The following SLC6A3 variants were observed in gnomAD, a reference collection of about 807,000 sequenced individuals.
The protein encoded by SLC6A3 is solute carrier family 6 member 3, also known as sodium-dependent dopamine transporter.
In SLC6A3, 19 loss-of-function variants were observed where a neutral mutation model predicts 70.4. The observed-to-expected ratio is 0.27, with a 90% CI of 0.19 to 0.40. The LOEUF is 0.40. Among genes scored for constraint, SLC6A3 ranks in the 10% least tolerant of loss-of-function variants. The pLI, the probability that SLC6A3 is intolerant of heterozygous loss-of-function variation, is 1.00. For missense variants in SLC6A3, 613 were observed against 838.5 expected (o/e 0.73, Z 3.32); for synonymous variants, 368 against 356.6 (o/e 1.03, Z -0.36).
At chr5:1,414,609 CT>C in intron 8 of SLC6A3, 81 bp downstream of exon 8, 1 of 1,527,808 alleles carries the variant, frequency 6.5e-7, no homozygotes, top group Non-Finnish European at 8.9e-7. Flanking sequence ...TCTCCTTCCT[CT>C]TTCACAAGGA....
rs902614517 is a variant in SLC6A3, at chr5:1,404,006, A to G, written c.1600-917T>C. On this transcript the variant is annotated intron_variant, in intron 12 of 14. Coordinates refer to ENST00000270349, the MANE Select transcript of SLC6A3 (RefSeq NM_001044.5). The surrounding 1 kb of genome is among the most constrained non-coding windows in gnomAD (Gnocchi z 5.2). ...TGTTCTGTGTACCTGGGTCCTTCCC[A>G]AGGACACAAGTGAAGCTCTGATAGA... is the stretch of plus-strand genomic sequence containing the variant. Among the ~76,000 whole-genome samples, 1 of 152,252 alleles carries G rather than the reference A, an allele frequency of 6.6e-6. No individual in the cohort carries two copies. The highest frequency in any genetic ancestry group is 1.5e-5 in the Non-Finnish European group (1 of 68,040).
Position 1,404,657 on chromosome 5 carries a change from C to T in SLC6A3, c.1599+1531G>A, listed in dbSNP as rs999188582. Among the ~76,000 whole-genome samples the T allele has an allele frequency of 1.3e-5, 2 of 152,194 alleles. No individual in the cohort carries two copies. The highest frequency in any genetic ancestry group is 4.8e-5 in the African/African-American group (2 of 41,444). The stretch of plus-strand genomic sequence containing the variant: ...CAGAGGGCAGGGGACTATGCCGCAG[C>T]CTGAAGAAACAGATGATAACACAGA... On this transcript the variant is annotated intron_variant, in intron 12 of 14. Coordinates refer to ENST00000270349, the MANE Select transcript of SLC6A3 (RefSeq NM_001044.5). This position sits in a 1 kb window ranked among gnomAD's most constrained non-coding sequence, Gnocchi z 5.2.
chr5:1,406,060 G>T lies in SLC6A3; in HGVS notation c.1599+128C>A. 1 of 740,080 alleles carries T rather than the reference G, an allele frequency of 1.4e-6. No homozygotes were observed. Among genetic ancestry groups the T allele is most frequent in the Non-Finnish European group, 2.5e-6 (1 of 404,706 alleles). 45.8% of individuals were successfully genotyped at this position (740,080 alleles called of 1,614,324 possible). On this transcript the variant is annotated intron_variant, in intron 12 of 14. Transcript: ENST00000270349. The surrounding 1 kb of genome is among the most constrained non-coding windows in gnomAD (Gnocchi z 8.8). ...TTCAGGGATCAGCCTGTCCTTCTGG[G>T]CCGAGTCTTGAGGCCCCTGACTCCA...
chr5:1,445,188 G>C (rs1733771730), intron 1 of SLC6A3, among the ~76,000 whole-genome samples, 160 bp downstream of exon 1: 1 of 152,158 alleles, frequency 6.6e-6, no homozygotes, highest in Non-Finnish European at 1.5e-5. Flanking sequence ...ATCGGGGGGC[G>C]CTCGGCACCC....
intron 6 of SLC6A3, chr5:1,416,521 T>A: frequency 2.1e-6 from 1 of 480,442 alleles, no homozygotes; most frequent in Non-Finnish European, 3.8e-6. Flanking sequence ...CATGGACTCA[T>A]CCACACACGG....
Position 1,401,116 on chromosome 5 carries a change from C to T in SLC6A3, c.1768-130G>A, listed in dbSNP as rs1353974849. The T allele has an allele frequency of 1.4e-6, 1 of 738,196 alleles. No homozygotes were observed. Among genetic ancestry groups the T allele is most frequent in the Non-Finnish European group, 2.4e-6 (1 of 413,084 alleles). The allele number at this position is 738,196 out of a possible 1,614,324, so 45.7% of individuals were successfully genotyped here. ...ACCAGCCCTCCTCACCTGCCAATGCCCACCCGCTGGCATCCATATCACCAG... is the reference window on the plus strand; with the variant it reads ...ACCAGCCCTCCTCACCTGCCAATGCTCACCCGCTGGCATCCATATCACCAG... On this transcript the variant is annotated intron_variant, in intron 13 of 14. Transcript: ENST00000270349. The surrounding 1 kb of genome is among the most constrained non-coding windows in gnomAD (Gnocchi z 6.1).
Position 1,406,300 on chromosome 5 carries a change from G to A in SLC6A3, c.1499-12C>T. The stretch of plus-strand genomic sequence containing the variant: ...GAACTGCCCAACACCTGAGGGAGAA[G>A]AGGTGGCATCAGTGTCCATCAGGGC... On this transcript the variant is annotated splice_polypyrimidine_tract_variant and intron_variant, in intron 11 of 14. Transcript: ENST00000270349. This position sits in a 1 kb window ranked among gnomAD's most constrained non-coding sequence, Gnocchi z 8.8. 6.2e-7 allele frequency: 1 copy of A among 1,608,780 alleles called. No homozygotes were observed. Among genetic ancestry groups the A allele is most frequent in the African/African-American group, 1.3e-5 (1 of 74,930 alleles).
Position 1,409,037 on chromosome 5 carries a change from G to C in SLC6A3, c.1487C>G (p.Ala496Gly). The change falls in exon 11 of 15, where the codon GCC becomes GGC. Residue 496 changes from alanine to glycine, a missense_variant. Transcript: ENST00000270349. ...FGVLIEAIGV[A>G]WFYGVGQFSD... ...TCCCCCGGACTCACCATAGAACCAGGCCACTCCGATGGCTTCGATGAGCAC... is the reference window on the plus strand; with the variant it reads ...TCCCCCGGACTCACCATAGAACCAGCCCACTCCGATGGCTTCGATGAGCAC... 2 of 1,611,754 alleles carry C rather than the reference G, an allele frequency of 1.2e-6. No individual in the cohort carries two copies. The highest frequency in any genetic ancestry group is 1.7e-6 in the Non-Finnish European group (2 of 1,178,922).
Position 1,442,138 on chromosome 5 carries a change from A to G in SLC6A3, c.287-648T>C, listed in dbSNP as rs970721296. 1.3e-5 allele frequency among the ~76,000 whole-genome samples: 2 copies of G among 151,194 alleles called. No individual in the cohort carries two copies. The highest frequency in any genetic ancestry group is 4.9e-5 in the African/African-American group (2 of 41,060). Reference sequence around the variant, plus strand: ...GACTGGAGTGAGGGAGAGCTTTGCCACTCTCTCTCCTGGGGAAGGGGAGGG... The same window carrying G: ...GACTGGAGTGAGGGAGAGCTTTGCCGCTCTCTCTCCTGGGGAAGGGGAGGG... On this transcript the variant is annotated intron_variant, in intron 2 of 14. Coordinates refer to ENST00000270349, the MANE Select transcript of SLC6A3 (RefSeq NM_001044.5). The surrounding 1 kb of genome is among the most constrained non-coding windows in gnomAD (Gnocchi z 5.0).
At chr5:1,419,096 A>G (rs888029449) in intron 6 of SLC6A3, among the ~76,000 whole-genome samples, 4 of 150,286 alleles carry the variant, frequency 2.7e-5, no homozygotes, top group Admixed American at 2.0e-4. Context: ...CTAGCTACCT[A>G]TCATTCATCC....
chr5:1,409,182 A>T, intron 10 of SLC6A3, 57 bp from the exon 11 acceptor site: 2 of 1,241,376 alleles, frequency 1.6e-6, no homozygotes, highest in Non-Finnish European at 2.3e-6. Flanking sequence ...AGGTAAACCC[A>T]GCCTGGGGAT....
At chr5:1,439,630 T>C (rs1042590971) in intron 3 of SLC6A3, among the ~76,000 whole-genome samples, 6 of 152,212 alleles carry the variant, frequency 3.9e-5, no homozygotes, top group Non-Finnish European at 8.8e-5. Context: ...CCATTGGTAA[T>C]GCGTCCTGGG....
chr5:1,400,447 C>T (rs1361661789), intron 14 of SLC6A3, among the ~76,000 whole-genome samples: 1 of 152,166 alleles, frequency 6.6e-6, no homozygotes, highest in Non-Finnish European at 1.5e-5. Context: ...GCGTGACCAT[C>T]CTCTCACTCG....
chr5:1,414,649 G>A (rs776229702), intron 8 of SLC6A3, 42 bp downstream of exon 8: 11 of 1,608,426 alleles, frequency 6.8e-6, no homozygotes, highest in Admixed American at 3.4e-5. Flanking sequence ...CTCGGCGCTG[G>A]TGCTACACGG....
At chr5:1,412,290 A>G (rs1756148510) in intron 8 of SLC6A3, among the ~76,000 whole-genome samples, 3 of 152,218 alleles carry the variant, frequency 2.0e-5, no homozygotes, top group African/African-American at 2.4e-5. Context: ...GGGGTCCCGC[A>G]GGCCATATTG....
chr5:1,414,359 T>C (rs992818594), intron 8 of SLC6A3, among the ~76,000 whole-genome samples: 2 of 12,266 alleles, frequency 1.6e-4, no homozygotes, highest in Admixed American at 6.9e-4. Context: ...CAGCCCAGGG[T>C]GGAGGCCCCG....
Position 1,413,346 on chromosome 5 carries a change from G to A in SLC6A3, c.1156+1345C>T, listed in dbSNP as rs534403994. Among the ~76,000 whole-genome samples, 6 of 152,256 alleles carry A rather than the reference G, an allele frequency of 3.9e-5. No homozygotes were observed. The highest frequency in any genetic ancestry group is 7.2e-5 in the African/African-American group (3 of 41,548). ...ACCTCTGAGCTGTGGCTCCAGCCCC[G>A]ACCCTGGCTTTCTGTTGCAAGCATG... is the stretch of plus-strand genomic sequence containing the variant. On this transcript the variant is annotated intron_variant, in intron 8 of 14. Transcript: ENST00000270349. This position sits in a 1 kb window ranked among gnomAD's most constrained non-coding sequence, Gnocchi z 7.1.
Position 1,414,030 on chromosome 5 carries a change from C to T in SLC6A3, c.1156+661G>A, listed in dbSNP as rs567185930. 4.6e-5 allele frequency among the ~76,000 whole-genome samples: 7 copies of T among 152,360 alleles called. No homozygotes were observed. The East Asian group carries it at 9.6e-4, about 21-fold the overall frequency. On this transcript the variant is annotated intron_variant, in intron 8 of 14. Transcript: ENST00000270349. Reference sequence around the variant, plus strand: ...AGACAACTCCAGGCGTGCAGGGACACTCAGCGTCATGCGTCGGCCTGGGGA... The same window carrying T: ...AGACAACTCCAGGCGTGCAGGGACATTCAGCGTCATGCGTCGGCCTGGGGA...
intron 6 of SLC6A3, chr5:1,416,547 C>CTT: frequency 2.3e-6 from 1 of 430,808 alleles, no homozygotes; most frequent in Non-Finnish European, 4.3e-6. Flanking sequence ...CCACAGCATC[C>CTT]TAATAACCCT....
Sources: gnomAD v4.1 joint callset for allele counts (sites outside exome capture counted in the v4.1 genomes callset) on GRCh38, gnomAD v4.1.1 for gene constraint, Gnocchi (gnomAD v3.1) non-coding constraint, MANE v1.5 for transcripts, NCBI Gene and HGNC (gene_info 2026-07-23, HGNC 2026-07-21) for gene names.